The following NDST4 variants were observed in gnomAD, a reference collection of about 807,000 sequenced individuals.
The protein encoded by NDST4 is N-deacetylase and N-sulfotransferase 4.
A neutral mutation model predicts 100.8 loss-of-function variants in NDST4; 63 were observed. The ratio of observed to expected loss-of-function variants is 0.62; its 90% CI spans 0.51 to 0.77. NDST4 has a LOEUF of 0.77. Ranked by LOEUF, NDST4 falls within the 30% of genes least tolerant of loss-of-function variation. The probability of loss-of-function intolerance (pLI) is 0.00; values close to 1 mark genes in which losing one functional copy is unlikely to be tolerated. For missense variants in NDST4, 943 were observed against 1,018.4 expected (o/e 0.93, Z 1.01); for synonymous variants, 377 against 361.8 (o/e 1.04, Z -0.48).
At chr4:114,852,888 T>A (rs1212512351) in intron 7 of NDST4, 67 bp from the exon 8 acceptor site, 12 of 1,145,226 alleles carry the variant, frequency 1.0e-5, no homozygotes, top group Non-Finnish European at 1.4e-5. Context: ...CTAAAAATTG[T>A]TCAAAAGATG....
intron 1 of NDST4, among the ~76,000 whole-genome samples, chr4:115,090,227 A>G (rs915472965): frequency 1.2e-3 from 190 of 152,046 alleles, no homozygotes; most frequent in African/African-American, 4.0e-3. Context: ...CACAAAACAC[A>G]GCTATAAAGG....
At position 114,827,902 on chromosome 4, in the gene NDST4, G is replaced by A. The variant is rs1723113192; in HGVS notation, c.2533C>T (p.His845Tyr). The change falls in exon 14 of 14, where the codon CAT becomes TAT. Residue 845 changes from histidine (H) to tyrosine (Y), a missense_variant. This residue lies in a region of NDST4 where 526 missense variants were observed against 634.1 expected (regional missense o/e 0.83). Coordinates refer to ENST00000264363, the MANE Select transcript of NDST4 (RefSeq NM_022569.3). ...AGCAGTTTGGATAGTTCCACATTAT[G>A]ATCTCGGTAGTAATTAGAGAGGAAC... ...RTFLSNYYRD[H>Y]NVELSKLLHR... 6.2e-7 allele frequency: 1 copy of A among 1,610,070 alleles called. No homozygotes were observed. The highest frequency in any genetic ancestry group is 8.5e-7 in the Non-Finnish European group (1 of 1,178,564).
intron 1 of NDST4, among the ~76,000 whole-genome samples, chr4:115,081,472 C>T (rs1158101457): frequency 6.6e-6 from 1 of 152,036 alleles, no homozygotes; most frequent in African/African-American, 2.4e-5. Context: ...TACTGTGTGA[C>T]CCTTGAAAAG....
intron 1 of NDST4, among the ~76,000 whole-genome samples, chr4:115,102,290 T>C (rs566341860): frequency 1.3e-5 from 2 of 152,196 alleles, no homozygotes; most frequent in Non-Finnish European, 2.9e-5. Context: ...AAAAAAACTA[T>C]AAGATACAGA....
At chr4:115,039,934 T>C (rs1416973957) in intron 2 of NDST4, among the ~76,000 whole-genome samples, 3 of 152,086 alleles carry the variant, frequency 2.0e-5, no homozygotes, top group East Asian at 1.9e-4. Context: ...CCAACATTTA[T>C]ACGCAACCAA....
intron 4 of NDST4, among the ~76,000 whole-genome samples, chr4:114,940,796 C>G (rs1454687820): frequency 6.6e-6 from 1 of 152,152 alleles, no homozygotes; most frequent in Non-Finnish European, 1.5e-5. Context: ...TCGAACACTT[C>G]TCCAAAGTCC....
intron 2 of NDST4, among the ~76,000 whole-genome samples, chr4:114,991,241 C>T (rs529801941): frequency 1.3e-5 from 2 of 152,064 alleles, no homozygotes; most frequent in South Asian, 4.2e-4. Context: ...AACATGATAG[C>T]TAATGTGCCT....
At chr4:115,001,639 C>CTA (rs1342552098) in intron 2 of NDST4, among the ~76,000 whole-genome samples, 1 of 151,628 alleles carries the variant, frequency 6.6e-6, no homozygotes. Flanking sequence ...ATATAATATA[C>CTA]TATATATATT....
chr4:115,071,589 A>T (rs1458219784), intron 2 of NDST4, among the ~76,000 whole-genome samples: 1 of 152,170 alleles, frequency 6.6e-6, no homozygotes, highest in Non-Finnish European at 1.5e-5. Context: ...AATACCTATT[A>T]AAATACCTAT....
chr4:114,848,088 T>C (rs1723593160), intron 9 of NDST4, 127 bp downstream of exon 9: 3 of 759,198 alleles, frequency 4.0e-6, no homozygotes, highest in Admixed American at 3.4e-5. Context: ...TCATTATAAA[T>C]TAATTTCTAA....
intron 2 of NDST4, among the ~76,000 whole-genome samples, chr4:114,978,530 C>T (rs1280850495): frequency 6.6e-6 from 1 of 152,030 alleles, no homozygotes; most frequent in Non-Finnish European, 1.5e-5. Flanking sequence ...ACTAGCTTAA[C>T]TGAGTTCTAC....
chr4:115,057,110 G>C (rs1728711905), intron 2 of NDST4, among the ~76,000 whole-genome samples: 1 of 152,158 alleles, frequency 6.6e-6, no homozygotes. Flanking sequence ...AATCCCAGAG[G>C]CTGATGCTTC....
chr4:115,045,042 G>T (rs1728435938), intron 2 of NDST4, among the ~76,000 whole-genome samples: 1 of 151,926 alleles, frequency 6.6e-6, no homozygotes, highest in Non-Finnish European at 1.5e-5. Context: ...TTAAAAATCT[G>T]ATAGTAACAG....
At chr4:115,067,460 G>A (rs918823257) in intron 2 of NDST4, among the ~76,000 whole-genome samples, 16 of 151,422 alleles carry the variant, frequency 1.1e-4, no homozygotes, top group South Asian at 4.2e-4. Context: ...CTGTACTAAC[G>A]TTCATAGGAT....
At chr4:115,011,054 C>A (rs1052515368) in intron 2 of NDST4, among the ~76,000 whole-genome samples, 7 of 151,834 alleles carry the variant, frequency 4.6e-5, no homozygotes, top group Non-Finnish European at 8.8e-5. Context: ...AATTGTAATG[C>A]CTTCATTTTC....
At chr4:114,880,614 A>G (rs1724347088) in intron 6 of NDST4, among the ~76,000 whole-genome samples, 1 of 152,158 alleles carries the variant, frequency 6.6e-6, no homozygotes, top group Admixed American at 6.6e-5. Flanking sequence ...CAAGCAATCA[A>G]CCAATTGAGA....
chr4:114,967,102 A>C (rs985696469), intron 4 of NDST4, among the ~76,000 whole-genome samples: 9 of 152,068 alleles, frequency 5.9e-5, no homozygotes, highest in African/African-American at 2.2e-4. Context: ...ATGTGAAAAG[A>C]TAATAATTTA....
intron 1 of NDST4, among the ~76,000 whole-genome samples, chr4:115,111,309 A>C (rs1729947320): frequency 6.6e-6 from 1 of 151,944 alleles, no homozygotes; most frequent in Non-Finnish European, 1.5e-5. Context: ...TGGGAGAAGA[A>C]AGAATAGGTA....
chr4:114,845,819 A>T lies in NDST4; in HGVS notation c.2115+4T>A. ...CTTTTAGCCGATTTTTTTACTGACC[A>T]TACCTGGTACCAAGAGTATGCCCTG... On this transcript the variant is annotated splice_donor_region_variant and intron_variant, in intron 10 of 13. Transcript: ENST00000264363. 2 of 1,607,348 alleles carry T rather than the reference A, an allele frequency of 1.2e-6. No homozygotes were observed. Among genetic ancestry groups the T allele is most frequent in the Non-Finnish European group, 1.7e-6 (2 of 1,175,530 alleles).
Sources: allele counts gnomAD v4.1 joint callset (sites outside exome capture counted in the v4.1 genomes callset), GRCh38; gene constraint gnomAD v4.1.1; regional missense constraint gnomAD v4.1.1; transcripts MANE v1.5; gene names NCBI Gene and HGNC (gene_info 2026-07-23, HGNC 2026-07-21).